HDAC9: variants seen among roughly 807,000 people sequenced by gnomAD.
HDAC9 encodes MEF-2 interacting transcription repressor (MITR) protein.
A neutral mutation model predicts 139.4 loss-of-function variants in HDAC9; 41 were observed. That is an observed-to-expected ratio of 0.29 (90% confidence interval 0.23 to 0.38). The LOEUF is 0.38. Ranked by LOEUF, HDAC9 falls within the 10% of genes least tolerant of loss-of-function variation. The probability of loss-of-function intolerance (pLI) is 1.00; values close to 1 mark genes in which losing one functional copy is unlikely to be tolerated. For synonymous variants in HDAC9, 517 were observed against 476.2 expected, an observed-to-expected ratio of 1.09 and a Z score of -1.12; for missense variants, 1,147 against 1,297.0, an observed-to-expected ratio of 0.88 and a Z score of 1.78.
At chr7:18,489,837 T>A (rs1197716701) in intron 1 of HDAC9, among the ~76,000 whole-genome samples, 1 of 152,024 alleles carries the variant, frequency 6.6e-6, no homozygotes, top group Non-Finnish European at 1.5e-5. Context: ...CCTTGAGTGC[T>A]GCAGAGAGGG....
At chr7:18,173,756 A>G (rs1788650094) in intron 2 of HDAC9, among the ~76,000 whole-genome samples, 1 of 152,218 alleles carries the variant, frequency 6.6e-6, no homozygotes, top group South Asian at 2.1e-4. Flanking sequence ...TTCTTTAAGA[A>G]TGTTGAATTT....
intron 1 of HDAC9, 98 bp downstream of exon 1, chr7:18,496,121 C>A (rs1159983023): frequency 7.1e-7 from 1 of 1,413,984 alleles, no homozygotes; most frequent in African/African-American, 1.4e-5. Context: ...TGCTGCTTCT[C>A]CTCAGGGAGG....
intron 12 of HDAC9, among the ~76,000 whole-genome samples, chr7:18,679,629 T>C (rs1251128304): frequency 1.3e-5 from 2 of 151,298 alleles, no homozygotes; most frequent in African/African-American, 4.8e-5. Flanking sequence ...CCTTTTCTTC[T>C]CTGAGTAACA....
At chr7:18,892,640 C>A (rs1027558708) in intron 22 of HDAC9, 1 of 152,068 alleles carries the variant, frequency 6.6e-6, no homozygotes, top group Non-Finnish European at 1.5e-5. Flanking sequence ...TGAGCCCTGC[C>A]CTGCAAAGAC....
At chr7:18,916,017 C>T (rs539752776) in intron 22 of HDAC9, among the ~76,000 whole-genome samples, 6 of 56,508 alleles carry the variant, frequency 1.1e-4, no homozygotes, top group East Asian at 4.9e-4. Flanking sequence ...TCTCACCCCC[C>T]GCTGGAAAAA....
At chr7:18,111,653 T>C (rs949873887) in intron 1 of HDAC9, among the ~76,000 whole-genome samples, 1 of 152,248 alleles carries the variant, frequency 6.6e-6, no homozygotes, top group Non-Finnish European at 1.5e-5. Flanking sequence ...GTATTGTTTT[T>C]CAACTTGTAT....
rs142125634 is a variant in HDAC9 at position 18,804,245 on chromosome 7, C to A, written c.2322+10793C>A. Among the ~76,000 whole-genome samples, 1,044 of 152,172 alleles carry A rather than the reference C, an allele frequency of 6.9e-3. 9 individuals are homozygous for A. Among genetic ancestry groups the A allele is most frequent in the Non-Finnish European group, 6.7e-3 (457 of 67,994 alleles). On this transcript the variant is annotated intron_variant, in intron 17 of 25. Transcript: ENST00000686413. ...CAGGAAAAAAGCAAATACAGAAGCT[C>A]TCTCAGGGTGGGGCAAATAAGCAGG...
At chr7:18,464,117 C>A (rs942978929) in intron 1 of HDAC9, among the ~76,000 whole-genome samples, 4 of 151,860 alleles carry the variant, frequency 2.6e-5, no homozygotes. Context: ...TCCTTTGTAT[C>A]TAATAGTACT....
intron 8 of HDAC9, among the ~76,000 whole-genome samples, chr7:18,639,781 TAAG>T (rs934620885): frequency 2.0e-5 from 3 of 152,010 alleles, no homozygotes; most frequent in Non-Finnish European, 4.4e-5. Context: ...TTGACACTCA[TAAG>T]GATGTCTTCC....
At chr7:18,388,851 T>C (rs1786193283) in intron 1 of HDAC9, among the ~76,000 whole-genome samples, 1 of 152,242 alleles carries the variant, frequency 6.6e-6, no homozygotes, top group Admixed American at 6.5e-5. Context: ...TTTTGCTCTT[T>C]GGGAATCAGA....
chr7:18,334,542 A>G (rs1291241215), intron 1 of HDAC9, among the ~76,000 whole-genome samples: 1 of 151,540 alleles, frequency 6.6e-6, no homozygotes, highest in Non-Finnish European at 1.5e-5. Context: ...CATGTTTTAT[A>G]TTAAAGATTA....
At chr7:18,200,008 T>C (rs772256406) in intron 2 of HDAC9, among the ~76,000 whole-genome samples, 22 of 152,188 alleles carry the variant, frequency 1.4e-4, no homozygotes, top group Non-Finnish European at 2.9e-4. Flanking sequence ...GTAAAACTTT[T>C]GTGACAACTT....
intron 1 of HDAC9, among the ~76,000 whole-genome samples, chr7:18,296,709 A>G (rs577512150): frequency 2.0e-5 from 3 of 152,310 alleles, no homozygotes; most frequent in African/African-American, 4.8e-5. Context: ...CTCAATGGCT[A>G]TTTGAGAAAT....
At chr7:18,086,893 GCC>G (rs946872843), upstream of HDAC9, 12 of 143,564 alleles carry the variant, frequency 8.4e-5, no homozygotes, top group African/African-American at 2.8e-4. Context: ...GCCCTCCCGA[GCC>G]CCCCCCGCGC....
chr7:18,411,657 A>G (rs990117329), intron 1 of HDAC9, among the ~76,000 whole-genome samples: 2 of 151,384 alleles, frequency 1.3e-5, no homozygotes, highest in African/African-American at 2.4e-5. Flanking sequence ...TTACAGGCGT[A>G]AGCCACTGTG....
intron 1 of HDAC9, among the ~76,000 whole-genome samples, chr7:18,401,588 C>T (rs998254728): frequency 1.3e-5 from 2 of 152,194 alleles, no homozygotes; most frequent in Admixed American, 6.5e-5. Flanking sequence ...CTCAGCAGAA[C>T]TGGATAGGTA....
chr7:18,980,877 G>A (rs2390041), intron 25 of HDAC9, among the ~76,000 whole-genome samples: 9,605 of 150,626 alleles, frequency 0.064, 368 homozygotes, highest in Middle Eastern at 0.1. Flanking sequence ...AGGCTAGAAT[G>A]CAGTGGTGTG....
intron 2 of HDAC9, among the ~76,000 whole-genome samples, chr7:18,240,738 T>C (rs947948308): frequency 6.6e-6 from 1 of 152,184 alleles, no homozygotes; most frequent in Non-Finnish European, 1.5e-5. Flanking sequence ...ATAAGTGATA[T>C]GCACCTCAAA....
intron 12 of HDAC9, chr7:18,668,450 T>TA: frequency 2.1e-6 from 2 of 964,032 alleles, no homozygotes; most frequent in Non-Finnish European, 2.5e-6. Context: ...GTGCATCTTT[T>TA]AAAATACATT....
Sources: allele counts gnomAD v4.1 joint callset (sites outside exome capture counted in the v4.1 genomes callset), GRCh38; gene constraint gnomAD v4.1.1; transcripts MANE v1.5; gene names NCBI Gene and HGNC (gene_info 2026-07-23, HGNC 2026-07-21).